Variants in RORA observed in about 807,000 individuals in gnomAD.
RORA encodes nuclear receptor ROR-alpha.
In RORA, 7 loss-of-function variants were observed where a neutral mutation model predicts 69.5. The ratio of observed to expected loss-of-function variants is 0.10; its 90% CI spans 0.06 to 0.19. The LOEUF (loss-of-function observed/expected upper bound fraction) is 0.19, where lower values mean the gene tolerates loss of function less well. RORA is among the 10% of genes least tolerant of loss of function. The pLI, the probability that RORA is intolerant of heterozygous loss-of-function variation, is 1.00. For synonymous variants in RORA, 261 were observed against 240.8 expected, an observed-to-expected ratio of 1.08 and a Z score of -0.78; for missense variants, 457 against 663.0, an observed-to-expected ratio of 0.69 and a Z score of 3.41.
At chr15:60,539,997 G>A (rs1429710061) in intron 2 of RORA, among the ~76,000 whole-genome samples, 2 of 152,132 alleles carry the variant, frequency 1.3e-5, no homozygotes, top group Non-Finnish European at 2.9e-5. Flanking sequence ...TGGGTTAAAT[G>A]TCATTTCATA....
intron 2 of RORA, among the ~76,000 whole-genome samples, chr15:60,621,905 G>A (rs1444925518): frequency 2.6e-5 from 4 of 151,994 alleles, no homozygotes; most frequent in East Asian, 1.9e-4. Flanking sequence ...AAAATTAGCC[G>A]GGCGTGGTGG....
At position 60,892,506 on chromosome 15, in the gene RORA, C is replaced by CT. The variant is rs544612430; in HGVS notation, c.167-213821dup. ...TCCTCCAAAAGTCCCCGCCTTTATG[C>CT]TTTTTTTAAGTGAGCACTGTTGGTA... On this transcript the variant is annotated intron_variant, in intron 1 of 10. Coordinates refer to ENST00000335670, the MANE Select transcript of RORA (RefSeq NM_134261.3). 5.9e-5 allele frequency among the ~76,000 whole-genome samples: 9 copies of CT among 152,190 alleles called. No individual in the cohort carries two copies. In the East Asian group the frequency reaches 1.7e-3, roughly 29 times the overall value.
chr15:60,745,305 T>C (rs2140854182), intron 1 of RORA, among the ~76,000 whole-genome samples: 1 of 152,294 alleles, frequency 6.6e-6, no homozygotes. Flanking sequence ...CCACCTTCTG[T>C]GAAGTCCTCT....
intron 1 of RORA, among the ~76,000 whole-genome samples, chr15:60,986,707 A>G (rs1005992184): frequency 3.3e-5 from 5 of 152,364 alleles, no homozygotes; most frequent in African/African-American, 1.2e-4. Context: ...TAAAGCACAC[A>G]TCACATGCTG....
chr15:60,624,604 C>T (rs928614921), intron 2 of RORA, among the ~76,000 whole-genome samples: 3 of 150,036 alleles, frequency 2.0e-5, no homozygotes, highest in Non-Finnish European at 4.4e-5. Context: ...CAAACACACA[C>T]AATTATTCAT....
At chr15:60,548,195 G>C (rs2067129359) in intron 2 of RORA, among the ~76,000 whole-genome samples, 1 of 152,204 alleles carries the variant, frequency 6.6e-6, no homozygotes, top group Non-Finnish European at 1.5e-5. Flanking sequence ...ATTACTGAAA[G>C]TAGTCGTCGG....
At chr15:60,864,765 A>C (rs2073469243) in intron 1 of RORA, among the ~76,000 whole-genome samples, 1 of 152,224 alleles carries the variant, frequency 6.6e-6, no homozygotes, top group Non-Finnish European at 1.5e-5. Context: ...GGAAGGAAGA[A>C]GACAGGAGCC....
chr15:61,050,789 C>T (rs567817311), intron 1 of RORA, among the ~76,000 whole-genome samples: 1 of 152,282 alleles, frequency 6.6e-6, no homozygotes, highest in African/African-American at 2.4e-5. Flanking sequence ...TGAAGGATTG[C>T]TCTTTAATTC....
intron 2 of RORA, among the ~76,000 whole-genome samples, chr15:60,533,625 G>C (rs558305095): frequency 6.6e-6 from 1 of 152,170 alleles, no homozygotes; most frequent in Admixed American, 6.5e-5. Context: ...TCAGAGACGT[G>C]GAAAAGCCAA....
At chr15:61,067,707 T>C (rs1405429739) in intron 1 of RORA, among the ~76,000 whole-genome samples, 2 of 152,210 alleles carry the variant, frequency 1.3e-5, no homozygotes, top group Non-Finnish European at 2.9e-5. Flanking sequence ...CGGTACAACA[T>C]GCTGTCACCC....
intron 1 of RORA, among the ~76,000 whole-genome samples, chr15:60,964,837 AC>A (rs1893508293): frequency 6.6e-6 from 1 of 152,176 alleles, no homozygotes; most frequent in Admixed American, 6.5e-5. Context: ...TGGAGTGGCC[AC>A]TGAGAGGATG....
At chr15:60,918,443 C>T (rs530280025) in intron 1 of RORA, among the ~76,000 whole-genome samples, 12 of 152,174 alleles carry the variant, frequency 7.9e-5, no homozygotes, top group Non-Finnish European at 1.8e-4. Context: ...TATTTATTTA[C>T]ACCACTCACA....
chr15:61,080,650 T>C (rs1410753309), intron 1 of RORA, among the ~76,000 whole-genome samples: 2 of 152,186 alleles, frequency 1.3e-5, no homozygotes, highest in Middle Eastern at 3.2e-3. Context: ...TTTGAGGCCT[T>C]TCTACCATGA....
At chr15:61,051,284 C>T (rs1233200064) in intron 1 of RORA, among the ~76,000 whole-genome samples, 2 of 152,098 alleles carry the variant, frequency 1.3e-5, no homozygotes, top group Non-Finnish European at 2.9e-5. Context: ...GGAGTGGGAA[C>T]AGCAGAAAGT....
rs777299714 is a variant in RORA at position 60,499,964 on chromosome 15, C to T, written c.1335G>A (p.Leu445=). The change falls in exon 10 of 11, where the codon CTG becomes CTA. Residue 445 remains leucine (L), a synonymous_variant. Transcript: ENST00000335670. ...GAAGAGCTAGCTGAATTTTCTGTTG[C>T]AGTTTTTCAATTTTTACCTTTTCTT... ...WLQEKVKIEK[L]QQKIQLALQH... The T allele has an allele frequency of 2.5e-6, 4 of 1,612,922 alleles. No individual in the cohort carries two copies. In the African/African-American group the frequency reaches 5.3e-5, roughly 22 times the overall value.
At chr15:61,016,828 TC>T (rs1285880456) in intron 1 of RORA, among the ~76,000 whole-genome samples, 1 of 151,946 alleles carries the variant, frequency 6.6e-6, no homozygotes, top group African/African-American at 2.4e-5. Flanking sequence ...GGTGGAGTAG[TC>T]CCCCTGGTAA....
At chr15:60,526,683 T>C (rs896471821) in intron 3 of RORA, among the ~76,000 whole-genome samples, 4 of 152,202 alleles carry the variant, frequency 2.6e-5, no homozygotes, top group African/African-American at 9.7e-5. Flanking sequence ...ATTTTCATTT[T>C]AAATGCCCAG....
chr15:60,921,664 G>A (rs542440597), intron 1 of RORA, among the ~76,000 whole-genome samples: 1 of 152,224 alleles, frequency 6.6e-6, no homozygotes, highest in South Asian at 2.1e-4. Flanking sequence ...CTTTGTATGT[G>A]TTATGCTCCA....
chr15:60,525,857 C>G (rs1458251441), intron 3 of RORA, among the ~76,000 whole-genome samples: 7 of 152,042 alleles, frequency 4.6e-5, no homozygotes, highest in Non-Finnish European at 8.8e-5. Context: ...TGAGAATGTT[C>G]AGAAGCATGG....
Sources: allele counts gnomAD v4.1 joint callset (sites outside exome capture counted in the v4.1 genomes callset), GRCh38; gene constraint gnomAD v4.1.1; transcripts MANE v1.5; gene names NCBI Gene and HGNC (gene_info 2026-07-23, HGNC 2026-07-21).